GALNS: variants seen among roughly 807,000 people sequenced by gnomAD.
GALNS encodes galactosamine (N-acetyl)-6-sulfatase, also known as N-acetylgalactosamine-6-sulfatase.
In GALNS, 65 loss-of-function variants were observed where a neutral mutation model predicts 65.9. That is an observed-to-expected ratio of 0.99 (90% CI 0.81 to 1.21). The LOEUF is 1.21. GALNS is among the 50% of genes most tolerant of loss of function. The pLI is 0.00. For missense variants in GALNS, 776 were observed against 700.7 expected (o/e 1.11, Z -1.21); for synonymous variants, 346 against 288.9 (o/e 1.20, Z -2.00).
chr16:88,831,266 G>A (rs868011749), intron 9 of GALNS, among the ~76,000 whole-genome samples: 23 of 135,666 alleles, frequency 1.7e-4, no homozygotes, highest in South Asian at 1.1e-3. Flanking sequence ...GGCCGAGCAC[G>A]GGGTGCGTGG....
chr16:88,820,368 A>G (rs574138760), intron 12 of GALNS, among the ~76,000 whole-genome samples: 1 of 152,208 alleles, frequency 6.6e-6, no homozygotes, highest in African/African-American at 2.4e-5. Context: ...ACCTCAGGTG[A>G]TCCACTCACC....
intron 6 of GALNS, 147 bp from the exon 7 acceptor site, chr16:88,835,996 C>T (rs529446912): frequency 1.3e-4 from 177 of 1,316,840 alleles, no homozygotes; most frequent in Middle Eastern, 1.1e-3. Flanking sequence ...GTGCGGTCCC[C>T]GTCCCCACGC....
At position 88,814,227 on chromosome 16, in the gene GALNS, G is replaced by C. The variant is rs117754023; in HGVS notation, c.*212C>G. 3.3e-5 allele frequency: 22 copies of C among 664,486 alleles called. No homozygotes were observed. The highest frequency in any genetic ancestry group is 5.5e-5 in the Non-Finnish European group (21 of 382,772). 41.2% of individuals were successfully genotyped at this position (664,486 alleles called of 1,614,324 possible). Reference sequence around the variant, plus strand: ...CGCCGTGGGCGAGGAGGAGGGTCCTGAAATCTGAGGCGCCGTGGGCGAGGA... The same window carrying C: ...CGCCGTGGGCGAGGAGGAGGGTCCTCAAATCTGAGGCGCCGTGGGCGAGGA... On this transcript the variant is annotated 3_prime_UTR_variant, in exon 14 of 14. Transcript: ENST00000268695.
At position 88,837,732 on chromosome 16, in the gene GALNS, C is replaced by A; in HGVS notation, c.456G>T (p.Leu152=). 1 of 1,614,050 alleles carries A rather than the reference C, an allele frequency of 6.2e-7. No homozygotes were observed. Among genetic ancestry groups the A allele is most frequent in the Non-Finnish European group, 8.5e-7 (1 of 1,180,030 alleles). The change falls in exon 5 of 14, where the codon CTG becomes CTT. Residue 152 remains leucine, a synonymous_variant. Coordinates refer to ENST00000268695, the MANE Select transcript of GALNS (RefSeq NM_000512.5). ...CAAACCACTCATCAAATCCGTGCTTCAGGGGGTGGAACTGGGGCCTGTGAC... is the reference window on the plus strand; with the variant it reads ...CAAACCACTCATCAAATCCGTGCTTAAGGGGGTGGAACTGGGGCCTGTGAC... ...HLGHRPQFHP[L]KHGFDEWFGS...
intron 2 of GALNS, 152 bp downstream of exon 2, chr16:88,842,554 T>G: frequency 1.1e-6 from 1 of 938,998 alleles, no homozygotes; most frequent in Non-Finnish European, 1.6e-6. Context: ...TGGGATTTGA[T>G]GAGAAAGGCC....
chr16:88,846,477 G>A (rs370700061), intron 1 of GALNS, among the ~76,000 whole-genome samples: 1 of 151,206 alleles, frequency 6.6e-6, no homozygotes, highest in African/African-American at 2.4e-5. Flanking sequence ...TCAGACTTCC[G>A]GCCTCCAGAC....
intron 1 of GALNS, chr16:88,844,788 A>T (rs1169635543): frequency 2.0e-5 from 3 of 152,406 alleles, no homozygotes; most frequent in Admixed American, 1.3e-4. Flanking sequence ...GCAAATATGG[A>T]TATTTAGAGC....
Position 88,832,004 on chromosome 16 carries a change from T to C in GALNS, c.996A>G (p.Ala332=). The C allele has an allele frequency of 1.9e-6, 3 of 1,613,176 alleles. No homozygotes were observed. Among genetic ancestry groups the C allele is most frequent in the Non-Finnish European group, 2.5e-6 (3 of 1,179,626 alleles). ...CCGGTGGACGCTGACTCACCTGGCC[T>C]GCAGTGACGTGCCCTGGCCACCATG... ...ALAWWPGHVT[A]GQVSHQLGSI... Residue 332 remains alanine, a synonymous_variant, in exon 9 of 14, where the codon GCA becomes GCG. Coordinates refer to ENST00000268695, the MANE Select transcript of GALNS (RefSeq NM_000512.5).
chr16:88,834,494 C>A (rs1468748713), intron 8 of GALNS, among the ~76,000 whole-genome samples: 1 of 128,208 alleles, frequency 7.8e-6, no homozygotes, highest in Admixed American at 8.1e-5. Context: ...GGCTGCAGGG[C>A]CCCCCTCAGC....
At chr16:88,855,025 C>T in intron 1 of GALNS, 1 of 362,026 alleles carries the variant, frequency 2.8e-6, no homozygotes. Context: ...CCCCTCCACC[C>T]TGCACGGCCT....
intron 1 of GALNS, among the ~76,000 whole-genome samples, chr16:88,847,912 C>G (rs941183301): frequency 2.0e-5 from 3 of 152,250 alleles, no homozygotes; most frequent in Non-Finnish European, 4.4e-5. Context: ...CCCACAGCGG[C>G]TCGCTCCCTG....
At chr16:88,836,339 A>C in intron 5 of GALNS, 72 bp from the exon 6 acceptor site, 4 of 1,246,956 alleles carry the variant, frequency 3.2e-6, no homozygotes, top group Admixed American at 1.9e-5. Context: ...TGATTTCACC[A>C]GCAAAGCCAT....
In GALNS at chr16:88,822,595, G is replaced by A; in HGVS notation, c.1358C>T (p.Pro453Leu). The A allele has an allele frequency of 1.2e-6, 2 of 1,612,746 alleles. No homozygotes were observed. The highest frequency in any genetic ancestry group is 1.1e-5 in the South Asian group (1 of 91,066). The change falls in exon 12 of 14, where the codon CCC (proline) becomes CTC (leucine). Residue 453 changes from proline to leucine, a missense_variant. Pro to Leu is a moderately conservative substitution (Grantham distance 98, BLOSUM62 -3). Coordinates refer to ENST00000268695, the MANE Select transcript of GALNS (RefSeq NM_000512.5). The part of the protein sequence containing the change: ...HLGRDPGERF[P>L]LSFASAEYQE... ...AGGCCCTGCACCGACTCACCTGAGG[G>A]GGAACCTCTCCCCTGGGTCCCGTCC...
chr16:88,853,251 C>CAA (rs34618279), intron 1 of GALNS, among the ~76,000 whole-genome samples: 830 of 63,584 alleles, frequency 0.013, 9 homozygotes, highest in African/African-American at 0.031. Context: ...GACTCCATCT[C>CAA]AAAAAAAAAA....
chr16:88,837,192 CTG>C (rs1165867646), intron 5 of GALNS, among the ~76,000 whole-genome samples: 3 of 152,348 alleles, frequency 2.0e-5, no homozygotes, highest in African/African-American at 7.2e-5. Context: ...CAGGACGGCT[CTG>C]TCTGGACAGC....
chr16:88,817,123 C>T, intron 13 of GALNS: 2 of 985,482 alleles, frequency 2.0e-6, no homozygotes, highest in Non-Finnish European at 2.4e-6. Context: ...GGAAACAGGC[C>T]TTTGCGGCCA....
In GALNS at chr16:88,825,042, G is replaced by A. The variant is rs549632273; in HGVS notation, c.1140-173C>T. ...GGCCCGCAAGGTGGCTGGGGCTGGG[G>A]TGCCTGGGCGGCCGGGGCTGGAGCT... On this transcript the variant is annotated intron_variant, in intron 10 of 13. Coordinates refer to ENST00000268695, the MANE Select transcript of GALNS (RefSeq NM_000512.5). Among the ~76,000 whole-genome samples the A allele has an allele frequency of 5.3e-5, 8 of 152,126 alleles. No individual in the cohort carries two copies. In the East Asian group the frequency reaches 5.8e-4, roughly 11 times the overall value.
rs764628739 is a variant in GALNS at position 88,843,127 on chromosome 16, T to C, written c.121-298A>G. The C allele has an allele frequency of 5.5e-6, 8 of 1,446,844 alleles. No individual in the cohort carries two copies. The African/African-American group carries it at 1.1e-4, about 20-fold the overall frequency. The allele number at this position is 1,446,844 out of a possible 1,614,324, so 89.6% of individuals were successfully genotyped here. A position where few individuals can be genotyped will look rare whatever the true frequency, so the allele number is the denominator to read the frequency against. Reference sequence around the variant, plus strand: ...CTGCTTGGTCTTCAGGTGGGGAATGTGTCCGTCTGCCTCCTCCCAGCCTGA... The same window carrying C: ...CTGCTTGGTCTTCAGGTGGGGAATGCGTCCGTCTGCCTCCTCCCAGCCTGA... On this transcript the variant is annotated intron_variant, in intron 1 of 13. Transcript: ENST00000268695.
Position 88,837,893 on chromosome 16 carries a change from T to C in GALNS, c.423-128A>G, listed in dbSNP as rs3743542. ...GCACCCTCCAGCACTGAGTATGGGCTATGCCTGGGCACGGCAGGGACAAAA... is the reference window on the plus strand; with the variant it reads ...GCACCCTCCAGCACTGAGTATGGGCCATGCCTGGGCACGGCAGGGACAAAA... On this transcript the variant is annotated intron_variant, in intron 4 of 13. Transcript: ENST00000268695. The C allele has an allele frequency of 0.039, 37,023 of 944,560 alleles. 904 individuals carry two copies. The highest frequency in any genetic ancestry group is 0.08 in the South Asian group (5,519 of 69,360). The allele number at this position is 944,560 out of a possible 1,614,324, so 58.5% of individuals were successfully genotyped here.
Sources: allele counts gnomAD v4.1 joint callset (sites outside exome capture counted in the v4.1 genomes callset), GRCh38; gene constraint gnomAD v4.1.1; transcripts MANE v1.5; gene names NCBI Gene and HGNC (gene_info 2026-07-23, HGNC 2026-07-21).